KDM2B: variants seen among roughly 807,000 people sequenced by gnomAD.
KDM2B encodes the protein lysine demethylase 2B, also known as lysine-specific demethylase 2B.
A neutral mutation model predicts 150.0 loss-of-function variants in KDM2B; 26 were observed. The observed-to-expected ratio is 0.17, with a 90% CI of 0.13 to 0.24. The LOEUF is 0.24. KDM2B is among the 10% of genes least tolerant of loss of function. The pLI is 1.00. For missense variants in KDM2B, 1,265 were observed against 1,816.9 expected (o/e 0.70, Z 5.52); for synonymous variants, 734 against 729.5 (o/e 1.01, Z -0.10).
At chr12:121,497,329 G>A (rs1393427412) in intron 11 of KDM2B, among the ~76,000 whole-genome samples, 1 of 152,032 alleles carries the variant, frequency 6.6e-6, no homozygotes, top group Non-Finnish European at 1.5e-5. Flanking sequence ...TTTTGAGATG[G>A]AGTGTTACTC....
At chr12:121,503,001 G>C (rs7955114) in intron 11 of KDM2B, among the ~76,000 whole-genome samples, 3 of 136,954 alleles carry the variant, frequency 2.2e-5, no homozygotes, top group African/African-American at 8.9e-5. Context: ...TTTTTGAGCA[G>C]AGTTTTGCTC....
intron 12 of KDM2B, among the ~76,000 whole-genome samples, chr12:121,455,152 G>A (rs1172708554): frequency 6.6e-6 from 1 of 152,150 alleles, no homozygotes; most frequent in Non-Finnish European, 1.5e-5. Flanking sequence ...AGCCCGAGTG[G>A]CCCCTCAGGA....
chr12:121,565,919 G>T (rs1459474208), intron 4 of KDM2B, among the ~76,000 whole-genome samples: 2 of 151,230 alleles, frequency 1.3e-5, no homozygotes, highest in Non-Finnish European at 2.9e-5. Flanking sequence ...GAGCCACCGT[G>T]CCCGGCCCAG....
At chr12:121,502,658 A>G (rs1340706389) in intron 11 of KDM2B, among the ~76,000 whole-genome samples, 1 of 149,734 alleles carries the variant, frequency 6.7e-6, no homozygotes, top group Non-Finnish European at 1.5e-5. Context: ...GAGGTGGTTC[A>G]CACCTGTAAT....
At chr12:121,548,046 T>G (rs1343484329) in intron 6 of KDM2B, among the ~76,000 whole-genome samples, 11 of 152,098 alleles carry the variant, frequency 7.2e-5, no homozygotes, top group Non-Finnish European at 1.3e-4. Context: ...GGCTCAAAGG[T>G]GCTACAGCCC....
intron 13 of KDM2B, among the ~76,000 whole-genome samples, chr12:121,447,827 T>G (rs1876529858): frequency 1.3e-5 from 2 of 151,580 alleles, no homozygotes; most frequent in African/African-American, 2.4e-5. Flanking sequence ...TGGGTAATTT[T>G]TGTATTTTTA....
chr12:121,503,289 GT>G (rs77145802), intron 11 of KDM2B, among the ~76,000 whole-genome samples: 1,506 of 142,196 alleles, frequency 0.011, 27 homozygotes, highest in African/African-American at 0.034. Context: ...GTGGTGTTTT[GT>G]TTTTTTTTTT....
At chr12:121,486,312 G>A (rs1376549235) in intron 12 of KDM2B, among the ~76,000 whole-genome samples, 1 of 113,558 alleles carries the variant, frequency 8.8e-6, no homozygotes, top group Non-Finnish European at 1.8e-5. Context: ...TCACCTTGTT[G>A]ATCAGGCTGG....
At position 121,440,964 on chromosome 12, in the gene KDM2B, C is replaced by T. The variant is rs557438054; in HGVS notation, c.3462G>A (p.Leu1154=). The T allele has an allele frequency of 6.2e-7, 1 of 1,613,820 alleles. No individual in the cohort carries two copies. The highest frequency in any genetic ancestry group is 2.2e-5 in the East Asian group (1 of 44,882). ...CGATCCATGAGCAGCCTGACAGCAC[C>T]AAGTCCCGGAGCCCTGGGGGGACAT... ...LINRLPGLRD[L]VLSGCSWIAV... is the part of the protein sequence containing the mutation. The change falls in exon 21 of 23, where the codon TTG becomes TTA. Residue 1154 remains leucine (L), a synonymous_variant. Transcript: ENST00000377071.
At chr12:121,489,619 T>TA (rs1273156428) in intron 12 of KDM2B, among the ~76,000 whole-genome samples, 2 of 152,018 alleles carry the variant, frequency 1.3e-5, no homozygotes, top group Admixed American at 1.3e-4. Context: ...TTTGTATTTT[T>TA]AGTAGAGATG....
intron 12 of KDM2B, among the ~76,000 whole-genome samples, chr12:121,459,592 A>T (rs1249765590): frequency 6.6e-6 from 1 of 152,254 alleles, no homozygotes; most frequent in East Asian, 1.9e-4. Context: ...GCAGTTTGGG[A>T]GGCCAAGGCG....
the KDM2B span, among the ~76,000 whole-genome samples, chr12:121,419,226 A>G: frequency 1.3e-5 from 2 of 152,356 alleles, no homozygotes; most frequent in Non-Finnish European, 1.5e-5. Context: ...AGCTGCCTAC[A>G]GTATTCAGTA....
At chr12:121,457,978 T>A (rs1878522173) in intron 12 of KDM2B, among the ~76,000 whole-genome samples, 1 of 152,174 alleles carries the variant, frequency 6.6e-6, no homozygotes, top group Non-Finnish European at 1.5e-5. Context: ...TTACTTAGAT[T>A]AACCTAAATT....
intron 22 of KDM2B, among the ~76,000 whole-genome samples, chr12:121,433,937 G>A (rs1379037394): frequency 6.6e-6 from 1 of 152,048 alleles, no homozygotes; most frequent in East Asian, 1.9e-4. Context: ...ACCAGCACTT[G>A]GGAGGCTGAG....
intron 12 of KDM2B, among the ~76,000 whole-genome samples, chr12:121,492,207 G>A (rs1883442240): frequency 6.6e-6 from 1 of 152,032 alleles, no homozygotes; most frequent in Admixed American, 6.6e-5. Flanking sequence ...GTACTTTTGA[G>A]TTTTTTTGTT....
chr12:121,423,678 T>A, the KDM2B span: 1 of 1,005,146 alleles, frequency 9.9e-7, no homozygotes, highest in Non-Finnish European at 1.5e-6. The surrounding 1 kb of genome is among the most constrained non-coding windows in gnomAD (Gnocchi z 4.3). Flanking sequence ...GAAGCTATTT[T>A]AAAACATTAT....
At chr12:121,558,946 C>T (rs1424323836) in intron 4 of KDM2B, among the ~76,000 whole-genome samples, 5 of 152,164 alleles carry the variant, frequency 3.3e-5, no homozygotes, top group South Asian at 2.1e-4. Context: ...TCCCCAGCAC[C>T]TCCTAGGCAC....
chr12:121,488,078 TAGCTAAAGC>T (rs2140216402), intron 12 of KDM2B, among the ~76,000 whole-genome samples: 1 of 152,158 alleles, frequency 6.6e-6, no homozygotes, highest in Non-Finnish European at 1.5e-5. Context: ...CCATCCTACC[TAGCTAAAGC>T]AGCTTCTTAA....
At chr12:121,517,829 G>T (rs1432719952) in intron 9 of KDM2B, among the ~76,000 whole-genome samples, 2 of 151,986 alleles carry the variant, frequency 1.3e-5, no homozygotes, top group Non-Finnish European at 2.9e-5. Context: ...CTGACCGATG[G>T]TTCCCTCTGT....
Sources: gnomAD v4.1 joint callset for allele counts (sites outside exome capture counted in the v4.1 genomes callset) on GRCh38, gnomAD v4.1.1 for gene constraint, Gnocchi (gnomAD v3.1) non-coding constraint, MANE v1.5 for transcripts, NCBI Gene and HGNC (gene_info 2026-07-23, HGNC 2026-07-21) for gene names.